Variants in CACNB2 observed in about 807,000 individuals in gnomAD.
CACNB2 encodes the protein calcium voltage-gated channel auxiliary subunit beta 2.
In CACNB2, 42 loss-of-function variants were observed where a neutral mutation model predicts 73.3. The ratio of observed to expected loss-of-function variants is 0.57; its 90% CI spans 0.45 to 0.74. The LOEUF (loss-of-function observed/expected upper bound fraction) is 0.74. Among genes scored for constraint, CACNB2 ranks in the 30% least tolerant of loss-of-function variants. The pLI is 0.00. For missense variants in CACNB2, 940 were observed against 853.0 expected (o/e 1.10, Z -1.27); for synonymous variants, 348 against 310.3 (o/e 1.12, Z -1.28).
rs545545342 is a variant in CACNB2 at position 18,422,787 on chromosome 10, C to G, written c.333+20744C>G. On this transcript the variant is annotated intron_variant, in intron 3 of 13. Transcript: ENST00000324631. ...GATCTCAGCTCACTGCAACCTCCAC[C>G]TCCCACGTTCAAGTGATTCCCCTGC... is the stretch of plus-strand genomic sequence containing the variant. 2.0e-5 allele frequency among the ~76,000 whole-genome samples: 3 copies of G among 152,252 alleles called. No individual in the cohort carries two copies. In the South Asian group the frequency reaches 6.2e-4, roughly 32 times the overall value.
rs59205683 is a variant in CACNB2, at chr10:18,358,497, G to GCTCTCTCTCTCTCTCT, written c.214-43387_214-43372dup. On this transcript the variant is annotated intron_variant, in intron 2 of 13. Coordinates refer to ENST00000324631, the MANE Select transcript of CACNB2 (RefSeq NM_201596.3). ...GGGAAATTCCTTTTCTAATGAGCACGCTCTCTCTCTCTCTCTCTCTCTCTC... is the reference window on the plus strand; with the variant it reads ...GGGAAATTCCTTTTCTAATGAGCACGCTCTCTCTCTCTCTCTCTCTCTCTCTCTCTCTCTCTCTCTC... Among the ~76,000 whole-genome samples the GCTCTCTCTCTCTCTCT allele has an allele frequency of 2.3e-4, 24 of 104,326 alleles. 1 individual carries two copies. Among genetic ancestry groups the GCTCTCTCTCTCTCTCT allele is most frequent in the East Asian group, 2.1e-3 (5 of 2,396 alleles). The allele number at this position is 104,326 out of a possible 152,430, so 68.4% of individuals were successfully genotyped here. A position where few individuals can be genotyped will look rare whatever the true frequency, so the allele number is the denominator to read the frequency against.
chr10:18,462,004 A>G (rs1359126392), intron 3 of CACNB2, among the ~76,000 whole-genome samples: 1 of 151,858 alleles, frequency 6.6e-6, no homozygotes, highest in African/African-American at 2.4e-5. Flanking sequence ...AGGAAGAGAT[A>G]CCTCTCCACC....
rs186555189 is a variant in CACNB2, at chr10:18,512,900, C to T, written c.671-1336C>T. ...CCAATTCATTCAACTTTTGAAGCGC[C>T]GGTTGTGTGATGTGCAGCCAGGCGT... On this transcript the variant is annotated intron_variant, in intron 6 of 13. Transcript: ENST00000324631. Among the ~76,000 whole-genome samples, 127 of 152,244 alleles carry T rather than the reference C, an allele frequency of 8.3e-4. 2 individuals are homozygous for T. Among genetic ancestry groups the T allele is most frequent in the African/African-American group, 2.9e-3 (119 of 41,546 alleles).
intron 2 of CACNB2, among the ~76,000 whole-genome samples, chr10:18,180,635 C>A (rs1250034045): frequency 1.3e-5 from 2 of 152,028 alleles, no homozygotes; most frequent in African/African-American, 4.8e-5. Flanking sequence ...ATGTCTGGCA[C>A]AGAGCAGATG....
chr10:18,534,793 T>TTTGA (rs1237075295), intron 11 of CACNB2, among the ~76,000 whole-genome samples: 2 of 152,240 alleles, frequency 1.3e-5, no homozygotes, highest in African/African-American at 4.8e-5. Flanking sequence ...CAAGCACTGG[T>TTTGA]TTGATTGAGT....
rs569188823 is a variant in CACNB2, at chr10:18,503,158, A to G, written c.593+2210A>G. ...ATTTCTTAATGAGAAAAAAAAGTAAAGACATGCAGATGAACAGCGCATGTG... is the reference window on the plus strand; with the variant it reads ...ATTTCTTAATGAGAAAAAAAAGTAAGGACATGCAGATGAACAGCGCATGTG... On this transcript the variant is annotated intron_variant, in intron 5 of 13. Transcript: ENST00000324631. Among the ~76,000 whole-genome samples, 54 of 152,280 alleles carry G rather than the reference A, an allele frequency of 3.5e-4. No individual in the cohort carries two copies. The South Asian group carries it at 0.011, about 32-fold the overall frequency.
At chr10:18,525,678 GAATT>G (rs1003276957) in intron 9 of CACNB2, among the ~76,000 whole-genome samples, 1 of 151,820 alleles carries the variant, frequency 6.6e-6, no homozygotes, top group Non-Finnish European at 1.5e-5. Flanking sequence ...CTTAATTCTG[GAATT>G]AATTCTTTAT....
intron 2 of CACNB2, among the ~76,000 whole-genome samples, chr10:18,160,495 G>A (rs546878135): frequency 2.6e-4 from 39 of 151,926 alleles, no homozygotes; most frequent in African/African-American, 8.9e-4. Flanking sequence ...TAGAAGTCAC[G>A]CAAACTGAAT....
chr10:18,375,499 T>C (rs904981259), intron 2 of CACNB2, among the ~76,000 whole-genome samples: 1 of 152,196 alleles, frequency 6.6e-6, no homozygotes, highest in African/African-American at 2.4e-5. Flanking sequence ...TAGCTTTTAA[T>C]TGATGAAGAC....
chr10:18,310,221 A>G (rs897108831), intron 2 of CACNB2, among the ~76,000 whole-genome samples: 1 of 152,314 alleles, frequency 6.6e-6, no homozygotes, highest in Middle Eastern at 3.4e-3. Flanking sequence ...AGTTCTTAAC[A>G]TCTTTTATCC....
At chr10:18,513,030 A>G (rs569764732) in intron 6 of CACNB2, 1 of 159,048 alleles carries the variant, frequency 6.3e-6, no homozygotes, top group South Asian at 1.8e-4. Context: ...CTCAGATGTG[A>G]TGTTTTCGCT....
intron 3 of CACNB2, among the ~76,000 whole-genome samples, chr10:18,415,457 C>T (rs901159628): frequency 1.6e-5 from 2 of 126,528 alleles, no homozygotes; most frequent in Admixed American, 1.6e-4. Context: ...CACAGAAAGA[C>T]CTTGTCTCTT....
At chr10:18,336,475 C>G (rs1041255492) in intron 2 of CACNB2, among the ~76,000 whole-genome samples, 2 of 152,054 alleles carry the variant, frequency 1.3e-5, no homozygotes, top group Non-Finnish European at 2.9e-5. Flanking sequence ...AAAAATTAGC[C>G]AGGTGTAATG....
At chr10:18,422,881 A>G (rs962715412) in intron 3 of CACNB2, among the ~76,000 whole-genome samples, 13 of 152,176 alleles carry the variant, frequency 8.5e-5, no homozygotes, top group Admixed American at 5.9e-4. Flanking sequence ...TATTTTTAGT[A>G]GAGACGGGGT....
chr10:18,208,080 A>T (rs984483001), intron 2 of CACNB2, among the ~76,000 whole-genome samples: 2 of 152,320 alleles, frequency 1.3e-5, no homozygotes, highest in African/African-American at 4.8e-5. Flanking sequence ...GGAACTATAA[A>T]AACACTTTAA....
chr10:18,150,872 T>TTTTTTTTTTA lies in CACNB2; in HGVS notation c.121-3_121-2insTATTTTTTTT. On this transcript the variant is annotated splice_polypyrimidine_tract_variant and intron_variant, in intron 1 of 13. Coordinates refer to ENST00000324631, the MANE Select transcript of CACNB2 (RefSeq NM_201596.3). ...TTATTTGTCTTTTTTTTTTTTTTTT[T>TTTTTTTTTTA]TTTTTTTTAGTCATATGGAAAAGGA... The TTTTTTTTTTA allele has an allele frequency of 8.3e-7, 1 of 1,209,062 alleles. No homozygotes were observed. The highest frequency in any genetic ancestry group is 1.5e-5 in the South Asian group (1 of 66,350). The allele number at this position is 1,209,062 out of a possible 1,614,324, so 74.9% of individuals were successfully genotyped here.
At chr10:18,235,148 A>G (rs2131470179) in intron 2 of CACNB2, among the ~76,000 whole-genome samples, 1 of 141,184 alleles carries the variant, frequency 7.1e-6, no homozygotes, top group South Asian at 2.3e-4. Context: ...GTCTCAAAAA[A>G]AAAAAAAAAA....
At chr10:18,188,920 G>A (rs1041917361) in intron 2 of CACNB2, among the ~76,000 whole-genome samples, 2 of 152,122 alleles carry the variant, frequency 1.3e-5, no homozygotes, top group African/African-American at 4.8e-5. Context: ...AATAGACTCT[G>A]AGAAGGGATA....
intron 2 of CACNB2, among the ~76,000 whole-genome samples, chr10:18,299,379 G>T (rs1228116209): frequency 1.3e-5 from 2 of 152,198 alleles, no homozygotes; most frequent in Non-Finnish European, 2.9e-5. Flanking sequence ...CCAAGGAAAA[G>T]CTCCACTGTG....
Sources: gnomAD v4.1 joint callset for allele counts (sites outside exome capture counted in the v4.1 genomes callset) on GRCh38, gnomAD v4.1.1 for gene constraint, MANE v1.5 for transcripts, NCBI Gene and HGNC (gene_info 2026-07-23, HGNC 2026-07-21) for gene names.